Variants in PCDH15 observed in about 807,000 individuals in gnomAD.
The protein encoded by PCDH15 is protocadherin related 15, also known as protocadherin-15.
In PCDH15, 129 loss-of-function variants were observed where a neutral mutation model predicts 178.5. That is an observed-to-expected ratio of 0.72 (90% CI 0.63 to 0.84). The LOEUF (loss-of-function observed/expected upper bound fraction) is 0.84, where lower values mean the gene tolerates loss of function less well. Among genes scored for constraint, PCDH15 ranks in the 40% least tolerant of loss-of-function variants. PCDH15 has a pLI of 0.00. For missense variants in PCDH15, 2,230 were observed against 2,099.9 expected (o/e 1.06, Z -1.21); for synonymous variants, 800 against 732.0 (o/e 1.09, Z -1.50).
At chr10:55,554,785 C>T (rs1031094910) in intron 2 of PCDH15, among the ~76,000 whole-genome samples, 14 of 151,950 alleles carry the variant, frequency 9.2e-5, no homozygotes, top group African/African-American at 3.4e-4. Context: ...TAGTTTCTAC[C>T]TAATGTCCTT....
chr10:53,825,179 A>G, intron 32 of PCDH15: 1 of 1,519,662 alleles, frequency 6.6e-7, no homozygotes, highest in Non-Finnish European at 8.8e-7. Flanking sequence ...AACATGTGAT[A>G]GAAAAAAAGA....
chr10:53,912,520 G>A (rs1279766384), intron 25 of PCDH15, among the ~76,000 whole-genome samples: 2 of 152,176 alleles, frequency 1.3e-5, no homozygotes, highest in Non-Finnish European at 2.9e-5. Context: ...GTTTGCAGAT[G>A]ACATGATTGT....
intron 2 of PCDH15, among the ~76,000 whole-genome samples, chr10:55,164,221 TAC>T (rs1259276802): frequency 6.6e-6 from 1 of 152,066 alleles, no homozygotes; most frequent in African/African-American, 2.4e-5. Flanking sequence ...AGTACTTGAG[TAC>T]AGATACTAAA....
intron 3 of PCDH15, among the ~76,000 whole-genome samples, chr10:54,384,518 T>C (rs995740142): frequency 1.3e-5 from 2 of 152,148 alleles, no homozygotes; most frequent in Non-Finnish European, 1.5e-5. Context: ...ATTTATTAGA[T>C]TGAAAGAATT....
At position 55,276,585 on chromosome 10, in the gene PCDH15, A is replaced by G. The variant is rs1224568301; in HGVS notation, c.-156+43014T>C. Reference sequence around the variant, plus strand: ...TAAAACCAACAAGTATACCTTTTTTATAACTTCTTCATTCAATATTTTTAT... The same window carrying G: ...TAAAACCAACAAGTATACCTTTTTTGTAACTTCTTCATTCAATATTTTTAT... On this transcript the variant is annotated intron_variant, in intron 1 of 5. Transcript: ENST00000458638. Among the ~76,000 whole-genome samples, 3 of 151,774 alleles carry G rather than the reference A, an allele frequency of 2.0e-5. 1 individual carries two copies. The highest frequency in any genetic ancestry group is 7.3e-5 in the African/African-American group (3 of 41,350).
intron 26 of PCDH15, among the ~76,000 whole-genome samples, chr10:53,899,060 T>C (rs1334463148): frequency 1.3e-5 from 2 of 151,026 alleles, no homozygotes; most frequent in African/African-American, 2.4e-5. Context: ...CACTATAGTA[T>C]AAACATGAAC....
At chr10:54,945,766 A>AG (rs1169736028) in intron 2 of PCDH15, among the ~76,000 whole-genome samples, 2 of 151,652 alleles carry the variant, frequency 1.3e-5, no homozygotes, top group African/African-American at 4.8e-5. Context: ...TACCTCATCC[A>AG]GGGGCTGCAT....
chr10:54,466,020 T>C (rs2077494569), intron 3 of PCDH15, among the ~76,000 whole-genome samples: 2 of 151,996 alleles, frequency 1.3e-5, no homozygotes, highest in Non-Finnish European at 2.9e-5. Context: ...TTCATATATA[T>C]GTAGGTTCTC....
intron 3 of PCDH15, among the ~76,000 whole-genome samples, chr10:54,513,085 T>C (rs1407478520): frequency 6.6e-6 from 1 of 151,978 alleles, no homozygotes; most frequent in Non-Finnish European, 1.5e-5. Context: ...TTTCATTTTA[T>C]GAAATATTCT....
At chr10:54,742,281 A>G (rs570493788) in intron 1 of PCDH15, among the ~76,000 whole-genome samples, 1 of 151,582 alleles carries the variant, frequency 6.6e-6, no homozygotes, top group African/African-American at 2.4e-5. Context: ...AATACCCATA[A>G]ATATTTAGTC....
chr10:54,347,810 A>G (rs966105353), intron 5 of PCDH15, among the ~76,000 whole-genome samples: 5 of 152,084 alleles, frequency 3.3e-5, no homozygotes, highest in African/African-American at 1.2e-4. Flanking sequence ...AATTGTATAT[A>G]AAATATCTTG....
chr10:54,275,297 A>T (rs1418777582), intron 8 of PCDH15, among the ~76,000 whole-genome samples: 2 of 151,880 alleles, frequency 1.3e-5, no homozygotes. Flanking sequence ...TTACAAGTTT[A>T]ACTCATTTAA....
In PCDH15 at chr10:54,032,961, C is replaced by T. The variant is rs73235719; in HGVS notation, c.2221-9764G>A. Among the ~76,000 whole-genome samples, 675 of 151,912 alleles carry T rather than the reference C, an allele frequency of 4.4e-3. 6 individuals carry two copies. The highest frequency in any genetic ancestry group is 0.02 in the Middle Eastern group (6 of 294). On this transcript the variant is annotated intron_variant, in intron 18 of 37. Transcript: ENST00000644397. The stretch of plus-strand genomic sequence containing the variant: ...AAAACCATCAGATCTAGTAAGAACT[C>T]ACTCACTGTCATAAGAAGAGCATGG...
At chr10:53,985,341 C>T (rs1205673621) in intron 21 of PCDH15, among the ~76,000 whole-genome samples, 1 of 152,184 alleles carries the variant, frequency 6.6e-6, no homozygotes, top group African/African-American at 2.4e-5. Flanking sequence ...GTACTTCACA[C>T]TAACTAATGA....
At chr10:54,238,984 T>C (rs2054938239) in intron 8 of PCDH15, among the ~76,000 whole-genome samples, 1 of 152,142 alleles carries the variant, frequency 6.6e-6, no homozygotes, top group Non-Finnish European at 1.5e-5. Flanking sequence ...ATTTCAAATC[T>C]GAGGATTTTC....
rs575096929 is a variant in PCDH15, at chr10:55,254,999, T to C, written c.-156+64600A>G. On this transcript the variant is annotated intron_variant, in intron 1 of 5. Coordinates refer to the PCDH15 transcript ENST00000458638. ...TAAGTTTTAGGGTACAGGTGCACAA[T>C]GTGCAGGTTAGTTACATATGTATAC... 6.2e-4 allele frequency among the ~76,000 whole-genome samples: 94 copies of C among 152,208 alleles called. 2 individuals are homozygous for C. In the East Asian group the frequency reaches 0.016, roughly 26 times the overall value.
At chr10:54,513,152 T>G (rs1257953205) in intron 3 of PCDH15, among the ~76,000 whole-genome samples, 1 of 152,008 alleles carries the variant, frequency 6.6e-6, no homozygotes, top group East Asian at 1.9e-4. Context: ...ATTTTATACT[T>G]TAATTTGTGA....
At chr10:55,223,274 C>T (rs1399173925) in intron 1 of PCDH15, among the ~76,000 whole-genome samples, 1 of 152,100 alleles carries the variant, frequency 6.6e-6, no homozygotes, top group African/African-American at 2.4e-5. Context: ...TTAAAAGCCC[C>T]TTGGTCATAG....
chr10:55,556,132 A>G (rs1371683219), intron 2 of PCDH15, among the ~76,000 whole-genome samples: 3 of 152,110 alleles, frequency 2.0e-5, no homozygotes, highest in Non-Finnish European at 4.4e-5. Flanking sequence ...TTTGTTGTTT[A>G]TAATTACACC....
Sources: gnomAD v4.1 joint callset for allele counts (sites outside exome capture counted in the v4.1 genomes callset) on GRCh38, gnomAD v4.1.1 for gene constraint, MANE v1.5 for transcripts, NCBI Gene and HGNC (gene_info 2026-07-23, HGNC 2026-07-21) for gene names.